Variants in GNG7 observed in about 807,000 individuals in gnomAD.
The protein encoded by GNG7 is G protein subunit gamma 7.
GNG7 carries 1 observed loss-of-function variant against 4.0 expected under a neutral mutation model. The observed-to-expected ratio is 0.25, with a 90% CI of 0.09 to 1.18. The LOEUF (loss-of-function observed/expected upper bound fraction) is 1.18, where lower values mean the gene tolerates loss of function less well. GNG7 is among the 50% of genes most tolerant of loss of function. The pLI is 0.50. For missense variants in GNG7, 86 were observed against 91.9 expected (o/e 0.94, Z 0.26); for synonymous variants, 34 against 36.9 (o/e 0.92, Z 0.29).
At chr19:2,619,987 C>T (rs968690518) in intron 2 of GNG7, among the ~76,000 whole-genome samples, 6 of 151,354 alleles carry the variant, frequency 4.0e-5, no homozygotes, top group African/African-American at 1.5e-4. Context: ...CACCTGAGGT[C>T]GGGAGTTCAA....
chr19:2,667,796 T>TC (rs1983348091), intron 1 of GNG7, among the ~76,000 whole-genome samples: 1 of 152,106 alleles, frequency 6.6e-6, no homozygotes, highest in Admixed American at 6.5e-5. Flanking sequence ...GTGCCTGTAG[T>TC]CCCAGCTACT....
At chr19:2,544,512 G>T (rs1979062482) in intron 3 of GNG7, among the ~76,000 whole-genome samples, 1 of 152,160 alleles carries the variant, frequency 6.6e-6, no homozygotes, top group Non-Finnish European at 1.5e-5. Context: ...AGCCTCCTGA[G>T]TAGCTGGGGT....
chr19:2,600,267 A>C (rs1981159456), intron 2 of GNG7, among the ~76,000 whole-genome samples: 1 of 151,856 alleles, frequency 6.6e-6, no homozygotes, highest in African/African-American at 2.4e-5. Context: ...TTTTTCAAAA[A>C]AAAAAAACAT....
chr19:2,597,682 G>T (rs1981064368), intron 2 of GNG7, among the ~76,000 whole-genome samples: 1 of 151,398 alleles, frequency 6.6e-6, no homozygotes, highest in Non-Finnish European at 1.5e-5. Flanking sequence ...GGATCACGAG[G>T]TCAGCAGATC....
chr19:2,572,602 T>A (rs1377006288), intron 2 of GNG7, among the ~76,000 whole-genome samples: 1 of 150,248 alleles, frequency 6.7e-6, no homozygotes, highest in Non-Finnish European at 1.5e-5. Flanking sequence ...CGGCCCTTTT[T>A]TTTTTTTTTT....
chr19:2,542,715 C>G (rs550571385), intron 3 of GNG7, among the ~76,000 whole-genome samples: 1 of 152,074 alleles, frequency 6.6e-6, no homozygotes, highest in Non-Finnish European at 1.5e-5. Flanking sequence ...AGCTGATACG[C>G]AAGGCCAGGA....
Position 2,518,271 on chromosome 19 carries a change from C to T in GNG7, c.81+2337G>A, listed in dbSNP as rs543456602. Among the ~76,000 whole-genome samples the T allele has an allele frequency of 6.6e-5, 10 of 152,136 alleles. No homozygotes were observed. In the South Asian group the frequency reaches 1.0e-3, roughly 16 times the overall value. On this transcript the variant is annotated intron_variant, in intron 4 of 4. Coordinates refer to ENST00000382159, the MANE Select transcript of GNG7 (RefSeq NM_052847.3). Reference sequence around the variant, plus strand: ...CCCCGAGGCCCGACATTCAAAGGGGCGGTGGGGGCCCCTCCTCAACATCAA... The same window carrying T: ...CCCCGAGGCCCGACATTCAAAGGGGTGGTGGGGGCCCCTCCTCAACATCAA...
At chr19:2,672,270 C>G (rs1228426678) in intron 1 of GNG7, among the ~76,000 whole-genome samples, 1 of 152,064 alleles carries the variant, frequency 6.6e-6, no homozygotes, top group Non-Finnish European at 1.5e-5. Context: ...ATCCTCCTGC[C>G]TCAGCCTCCC....
chr19:2,521,074 T>C (rs570335684), intron 3 of GNG7, among the ~76,000 whole-genome samples: 1 of 142,002 alleles, frequency 7.0e-6, no homozygotes, highest in African/African-American at 2.7e-5. Context: ...GCTAACACGG[T>C]GAAACCTCAT....
Position 2,656,762 on chromosome 19 carries a change from G to A in GNG7, c.-134-10482C>T, listed in dbSNP as rs1982986516. ...GCTGCTTCTGGGCTCCTACAGCACA[G>A]CTGGGAGGCCTCGACAGAGAGCACA... On this transcript the variant is annotated intron_variant, in intron 1 of 4. Transcript: ENST00000382159. 2.6e-5 allele frequency among the ~76,000 whole-genome samples: 4 copies of A among 152,262 alleles called. No homozygotes were observed. The South Asian group carries it at 8.3e-4, about 32-fold the overall frequency.
intron 2 of GNG7, among the ~76,000 whole-genome samples, chr19:2,584,480 C>T (rs1014803053): frequency 6.6e-6 from 1 of 150,648 alleles, no homozygotes. Flanking sequence ...GTGATGTGTC[C>T]CAGCTACTTG....
chr19:2,598,197 C>T (rs113890167), intron 2 of GNG7, among the ~76,000 whole-genome samples: 225 of 147,366 alleles, frequency 1.5e-3, no homozygotes, highest in East Asian at 2.6e-3. Context: ...GCAACGCTTA[C>T]GAAAACCAAG....
intron 2 of GNG7, among the ~76,000 whole-genome samples, chr19:2,638,579 A>C: frequency 1.5e-5 from 2 of 137,210 alleles, no homozygotes; most frequent in African/African-American, 5.5e-5. Context: ...GGAAGGGAGA[A>C]AGAAAGAGTC....
intron 3 of GNG7, among the ~76,000 whole-genome samples, chr19:2,548,492 A>C (rs1372694995): frequency 6.8e-6 from 1 of 147,626 alleles, no homozygotes; most frequent in Non-Finnish European, 1.5e-5. Context: ...AAAAAAAAAA[A>C]AAAAAAAAAA....
intron 2 of GNG7, among the ~76,000 whole-genome samples, chr19:2,563,696 G>T (rs528474104): frequency 6.6e-6 from 1 of 152,096 alleles, no homozygotes; most frequent in African/African-American, 2.4e-5. Flanking sequence ...TGCCCAGGCT[G>T]GTCTTGAACT....
intron 2 of GNG7, among the ~76,000 whole-genome samples, chr19:2,603,642 A>C (rs1229693497): frequency 6.6e-6 from 1 of 152,176 alleles, no homozygotes; most frequent in African/African-American, 2.4e-5. Context: ...AAATTTAGGA[A>C]ACCAACCATC....
At chr19:2,647,570 T>C (rs1442313535) in intron 1 of GNG7, among the ~76,000 whole-genome samples, 1 of 151,876 alleles carries the variant, frequency 6.6e-6, no homozygotes, top group East Asian at 1.9e-4. Context: ...ATTTAAAAAT[T>C]AGGAGGGTGT....
chr19:2,563,141 G>T (rs750564190), intron 2 of GNG7, among the ~76,000 whole-genome samples: 9 of 151,932 alleles, frequency 5.9e-5, no homozygotes, highest in Non-Finnish European at 1.2e-4. Flanking sequence ...GTAAAGACGG[G>T]GTTTCACCGT....
rs1197908985 is a variant in GNG7 at position 2,626,280 on chromosome 19, G to A, written c.-78+19944C>T. Among the ~76,000 whole-genome samples, 6 of 152,060 alleles carry A rather than the reference G, an allele frequency of 3.9e-5. No homozygotes were observed. The highest frequency in any genetic ancestry group is 6.6e-5 in the Admixed American group (1 of 15,262). On this transcript the variant is annotated intron_variant, in intron 2 of 4. Transcript: ENST00000382159. The surrounding 1 kb of genome is among the most constrained non-coding windows in gnomAD (Gnocchi z 5.0). ...CCTGCCCCAAACCAGCCTGACCAGC[G>A]GCACCGTGGAAACCCACCGGGATCT...
Sources: allele counts gnomAD v4.1 joint callset (sites outside exome capture counted in the v4.1 genomes callset), GRCh38; gene constraint gnomAD v4.1.1; non-coding constraint Gnocchi (gnomAD v3.1); transcripts MANE v1.5; gene names NCBI Gene and HGNC (gene_info 2026-07-23, HGNC 2026-07-21).